The following COQ8B variants were observed in gnomAD, a reference collection of about 807,000 sequenced individuals.
COQ8B encodes coenzyme Q8B.
In COQ8B, 44 loss-of-function variants were observed where a neutral mutation model predicts 62.0. The observed-to-expected ratio is 0.71, with a 90% CI of 0.56 to 0.91. The LOEUF is 0.91. Ranked by LOEUF, COQ8B falls within the 40% of genes least tolerant of loss-of-function variation. COQ8B has a pLI of 0.00. For synonymous variants in COQ8B, 252 were observed against 289.9 expected, an observed-to-expected ratio of 0.87 and a Z score of 1.33; for missense variants, 649 against 731.6, an observed-to-expected ratio of 0.89 and a Z score of 1.30.
chr19:40,710,539 C>T (rs562484100), intron 4 of COQ8B, among the ~76,000 whole-genome samples: 8 of 152,134 alleles, frequency 5.3e-5, no homozygotes, highest in Admixed American at 2.6e-4. Context: ...CATGAGACAC[C>T]GCACTCAGTC....
At chr19:40,711,196 CTTCT>C (rs2082139028) in intron 4 of COQ8B, among the ~76,000 whole-genome samples, 1 of 151,172 alleles carries the variant, frequency 6.6e-6, no homozygotes, top group African/African-American at 2.4e-5. Context: ...TCTGGTGACT[CTTCT>C]TTCTCTGTCC....
intron 13 of COQ8B, 59 bp from the exon 14 acceptor site, chr19:40,693,096 A>G: frequency 1.3e-6 from 2 of 1,486,734 alleles, no homozygotes; most frequent in Non-Finnish European, 1.9e-6. Context: ...GGCTCTGGAG[A>G]AGAGGAGCTG....
At chr19:40,693,238 G>A (rs1315574013) in intron 13 of COQ8B, among the ~76,000 whole-genome samples, 8 of 152,202 alleles carry the variant, frequency 5.3e-5, no homozygotes, top group African/African-American at 1.7e-4. Context: ...GGGAGTGGAG[G>A]TGGTTAGGGA....
chr19:40,712,448 C>T (rs755336912), intron 4 of COQ8B, among the ~76,000 whole-genome samples: 2 of 150,704 alleles, frequency 1.3e-5, no homozygotes, highest in East Asian at 1.9e-4. Flanking sequence ...AATAGTTGGA[C>T]GTGGTGGCGT....
At chr19:40,712,624 A>C (rs1004208709) in intron 4 of COQ8B, among the ~76,000 whole-genome samples, 15 of 152,122 alleles carry the variant, frequency 9.9e-5, no homozygotes, top group Admixed American at 7.2e-4. Context: ...AACCATGATC[A>C]GCAATAAGAA....
chr19:40,715,641 T>G, intron 1 of COQ8B: 1 of 973,416 alleles, frequency 1.0e-6, no homozygotes, highest in Non-Finnish European at 1.2e-6. Flanking sequence ...GTACATACCC[T>G]CCCCCCCACT....
Position 40,691,881 on chromosome 19 carries a change from C to A in COQ8B, c.*154G>T. On this transcript the variant is annotated 3_prime_UTR_variant, in exon 15 of 15. Coordinates refer to ENST00000324464, the MANE Select transcript of COQ8B (RefSeq NM_024876.4). ...GGCACGAAGTTGGGAGTTCCCCAGC[C>A]CCAGGGATCCTGAGCTCCTGGGCCA... 1 of 662,838 alleles carries A rather than the reference C, an allele frequency of 1.5e-6. No individual in the cohort carries two copies. The highest frequency in any genetic ancestry group is 2.2e-6 in the Non-Finnish European group (1 of 448,192). 41.1% of individuals were successfully genotyped at this position (662,838 alleles called of 1,614,324 possible). A position where few individuals can be genotyped will look rare whatever the true frequency, so the allele number is the denominator to read the frequency against.
At chr19:40,701,067 C>T (rs769380730) in intron 10 of COQ8B, 5 of 152,428 alleles carry the variant, frequency 3.3e-5, no homozygotes, top group Non-Finnish European at 5.9e-5. Flanking sequence ...GTGGCTTACA[C>T]CTGTAATCCC....
At chr19:40,704,937 C>T in intron 7 of COQ8B, 159 bp downstream of exon 7, 1 of 680,066 alleles carries the variant, frequency 1.5e-6, no homozygotes, top group Non-Finnish European at 2.4e-6. Context: ...TTAATCACCA[C>T]AGCAATGCTA....
At chr19:40,704,546 G>A (rs2082085792) in intron 7 of COQ8B, 1 of 153,996 alleles carries the variant, frequency 6.5e-6, no homozygotes, top group Non-Finnish European at 1.4e-5. Flanking sequence ...TGTGGGCCAG[G>A]TCCTATTCAG....
intron 4 of COQ8B, among the ~76,000 whole-genome samples, 186 bp downstream of exon 4, chr19:40,713,881 A>G (rs1454814874): frequency 2.0e-5 from 3 of 152,082 alleles, no homozygotes; most frequent in Non-Finnish European, 4.4e-5. Context: ...TGTCTCAAAA[A>G]AAAAAAAAAA....
chr19:40,694,676 A>C (rs1405805325), intron 13 of COQ8B, among the ~76,000 whole-genome samples: 1 of 152,208 alleles, frequency 6.6e-6, no homozygotes, highest in East Asian at 1.9e-4. Flanking sequence ...AAGTCTGAGA[A>C]ATGCTGCTCT....
Position 40,691,716 on chromosome 19 carries a change from G to T in COQ8B, c.*319C>A. 4.3e-6 allele frequency: 1 copy of T among 232,404 alleles called. No homozygotes were observed. The allele number at this position is 232,404 out of a possible 1,614,324, so 14.4% of individuals were successfully genotyped here. A position where few individuals can be genotyped will look rare whatever the true frequency, so the allele number is the denominator to read the frequency against. On this transcript the variant is annotated 3_prime_UTR_variant, in exon 15 of 15. Transcript: ENST00000324464. ...CACGGGAGGCTTGAGGCAGAGGTGAGGGCTCCCCCTGATGAGTCTGATCTG... is the reference window on the plus strand; with the variant it reads ...CACGGGAGGCTTGAGGCAGAGGTGATGGCTCCCCCTGATGAGTCTGATCTG...
chr19:40,700,047 A>G lies in COQ8B; in HGVS notation c.1143+20T>C, dbSNP rs762162639. 1.9e-6 allele frequency: 3 copies of G among 1,604,934 alleles called. No homozygotes were observed. The East Asian group carries it at 6.7e-5, about 36-fold the overall frequency. On this transcript the variant is annotated intron_variant, in intron 12 of 14. Transcript: ENST00000324464. ...GTTACAACAGCAAATGTACCCAGACACACATCACTAGGAACCAACCTGGTG... is the reference window on the plus strand; with the variant it reads ...GTTACAACAGCAAATGTACCCAGACGCACATCACTAGGAACCAACCTGGTG...
At chr19:40,706,963 C>T (rs559376613) in intron 5 of COQ8B, among the ~76,000 whole-genome samples, 49 of 152,232 alleles carry the variant, frequency 3.2e-4, no homozygotes, top group African/African-American at 1.2e-3. Context: ...AATTTTAGGA[C>T]AGTTACACCA....
chr19:40,708,932 A>G lies in COQ8B; in HGVS notation c.367+1127T>C, dbSNP rs530125025. Among the ~76,000 whole-genome samples, 64 of 149,164 alleles carry G rather than the reference A, an allele frequency of 4.3e-4. No homozygotes were observed. In the East Asian group the frequency reaches 0.012, roughly 27 times the overall value. ...GTGACACAGCAAGACCCTGTCTCCA[A>G]AAAAAAAAAGACAGAAAAAAATCCA... On this transcript the variant is annotated intron_variant, in intron 5 of 14. Coordinates refer to ENST00000324464, the MANE Select transcript of COQ8B (RefSeq NM_024876.4).
chr19:40,712,443 T>G (rs117822166), intron 4 of COQ8B, among the ~76,000 whole-genome samples: 4 of 148,872 alleles, frequency 2.7e-5, no homozygotes, highest in African/African-American at 9.9e-5. Context: ...CAAAAAATAG[T>G]TGGACGTGGT....
intron 12 of COQ8B, among the ~76,000 whole-genome samples, chr19:40,699,011 T>A (rs1207668208): frequency 6.6e-6 from 1 of 151,594 alleles, no homozygotes; most frequent in East Asian, 1.9e-4. Flanking sequence ...TTTTTTTTTT[T>A]AAATAGAGCC....
chr19:40,694,387 G>C (rs1392519643), intron 13 of COQ8B, among the ~76,000 whole-genome samples: 1 of 152,156 alleles, frequency 6.6e-6, no homozygotes, highest in Non-Finnish European at 1.5e-5. Context: ...CTTTTCCACG[G>C]CTCCGCAGGG....
Sources: gnomAD v4.1 joint callset for allele counts (sites outside exome capture counted in the v4.1 genomes callset) on GRCh38, gnomAD v4.1.1 for gene constraint, MANE v1.5 for transcripts, NCBI Gene and HGNC (gene_info 2026-07-23, HGNC 2026-07-21) for gene names.